Variants in DRC11 observed in about 807,000 individuals in gnomAD.
DRC11 encodes dynein regulatory complex subunit 11.
the DRC11 span, among the ~76,000 whole-genome samples, chr2:236,369,382 G>T: frequency 6.6e-6 from 1 of 152,164 alleles, no homozygotes; most frequent in African/African-American, 2.4e-5. The surrounding 1 kb of genome is among the most constrained non-coding windows in gnomAD (Gnocchi z 4.5). Flanking sequence ...TATTGGTTGG[G>T]AGAATGAGTG....
chr2:236,314,490 G>T, the DRC11 span, among the ~76,000 whole-genome samples: 2 of 152,066 alleles, frequency 1.3e-5, no homozygotes, highest in Admixed American at 6.6e-5. The surrounding 1 kb of genome is among the most constrained non-coding windows in gnomAD (Gnocchi z 4.5). Flanking sequence ...GAAACAAAAA[G>T]CTATGAGAAT....
At chr2:236,324,753 T>C in the DRC11 span, 2 of 1,606,070 alleles carry the variant, frequency 1.2e-6, no homozygotes, top group Non-Finnish European at 1.7e-6. The surrounding 1 kb of genome is among the most constrained non-coding windows in gnomAD (Gnocchi z 5.7). Flanking sequence ...AAGGCACGTT[T>C]TTTACCCAGA....
the DRC11 span, chr2:236,507,150 G>GAGA: frequency 8.8e-7 from 1 of 1,138,270 alleles, no homozygotes; most frequent in African/African-American, 1.5e-5. Flanking sequence ...AAGTTGAGAG[G>GAGA]GGAGGAGAAA....
the DRC11 span, among the ~76,000 whole-genome samples, chr2:236,455,829 CA>C: frequency 2.0e-5 from 3 of 152,296 alleles, no homozygotes; most frequent in East Asian, 5.8e-4. The surrounding 1 kb of genome is among the most constrained non-coding windows in gnomAD (Gnocchi z 5.7). Context: ...CATTTGCTGG[CA>C]ATCTGGAGGC....
the DRC11 span, among the ~76,000 whole-genome samples, chr2:236,459,680 T>TATATACGTATATAC: frequency 8.2e-6 from 1 of 122,028 alleles, no homozygotes; most frequent in East Asian, 2.0e-4. Flanking sequence ...TACGTATATA[T>TATATACGTATATAC]GTATATACAT....
the DRC11 span, among the ~76,000 whole-genome samples, chr2:236,431,345 G>A: frequency 6.6e-6 from 1 of 152,292 alleles, no homozygotes; most frequent in East Asian, 1.9e-4. This position sits in a 1 kb window ranked among gnomAD's most constrained non-coding sequence, Gnocchi z 4.2. Flanking sequence ...ATGGTGGAAG[G>A]GGAAGCAAAC....
chr2:236,357,056 ATT>A, the DRC11 span, among the ~76,000 whole-genome samples: 4 of 69,184 alleles, frequency 5.8e-5, 1 homozygote, highest in Non-Finnish European at 5.3e-5. Flanking sequence ...TTATATATCT[ATT>A]TATATATTCA....
chr2:236,407,606 T>C, the DRC11 span, among the ~76,000 whole-genome samples: 1 of 152,116 alleles, frequency 6.6e-6, no homozygotes, highest in Admixed American at 6.5e-5. Flanking sequence ...ACGGGCCACA[T>C]GTACTTTTTA....
chr2:236,498,392 G>A, the DRC11 span, among the ~76,000 whole-genome samples: 2 of 152,082 alleles, frequency 1.3e-5, no homozygotes, highest in Non-Finnish European at 2.9e-5. Flanking sequence ...TTGAACCCGG[G>A]AGGTGGAGTT....
the DRC11 span, among the ~76,000 whole-genome samples, chr2:236,456,771 A>C: frequency 6.6e-6 from 1 of 152,224 alleles, no homozygotes; most frequent in Non-Finnish European, 1.5e-5. This position sits in a 1 kb window ranked among gnomAD's most constrained non-coding sequence, Gnocchi z 5.4. Context: ...GCTGGATGTC[A>C]GGCATATTTT....
the DRC11 span, among the ~76,000 whole-genome samples, chr2:236,313,652 G>A: frequency 6.6e-6 from 1 of 152,156 alleles, no homozygotes; most frequent in Non-Finnish European, 1.5e-5. This position sits in a 1 kb window ranked among gnomAD's most constrained non-coding sequence, Gnocchi z 4.5. Flanking sequence ...AAATTGGAAT[G>A]AGCCCAGATG....
chr2:236,430,178 A>G, the DRC11 span, among the ~76,000 whole-genome samples: 8 of 148,012 alleles, frequency 5.4e-5, no homozygotes, highest in African/African-American at 1.0e-4. The surrounding 1 kb of genome is among the most constrained non-coding windows in gnomAD (Gnocchi z 6.0). Context: ...TTTTATATAC[A>G]TATATGCGAA....
At chr2:236,408,945 G>T in the DRC11 span, 2 of 698,358 alleles carry the variant, frequency 2.9e-6, no homozygotes, top group Admixed American at 1.9e-5. This position sits in a 1 kb window ranked among gnomAD's most constrained non-coding sequence, Gnocchi z 5.5. Context: ...TCCCAGGAAG[G>T]CTGCGAAGTG....
the DRC11 span, among the ~76,000 whole-genome samples, chr2:236,366,563 G>A: frequency 6.6e-6 from 1 of 151,850 alleles, no homozygotes; most frequent in African/African-American, 2.4e-5. Context: ...GGACCTCATA[G>A]CCCTTTTGGA....
the DRC11 span, among the ~76,000 whole-genome samples, chr2:236,416,759 A>G: frequency 2.3e-4 from 21 of 90,862 alleles, 2 homozygotes; most frequent in South Asian, 5.0e-3. Flanking sequence ...ATATATATAT[A>G]TATATATATA....
the DRC11 span, among the ~76,000 whole-genome samples, chr2:236,362,538 C>T: frequency 6.6e-6 from 1 of 152,034 alleles, no homozygotes; most frequent in Admixed American, 6.5e-5. The surrounding 1 kb of genome is among the most constrained non-coding windows in gnomAD (Gnocchi z 5.7). Flanking sequence ...ATACATACAC[C>T]ATACAAAATA....
At chr2:236,441,125 C>T in the DRC11 span, 2 of 1,550,548 alleles carry the variant, frequency 1.3e-6, no homozygotes, top group Non-Finnish European at 1.7e-6. Flanking sequence ...GGTTAAATTT[C>T]TGCAGGAAAA....
At chr2:236,455,013 T>C in the DRC11 span, 1 of 152,240 alleles carries the variant, frequency 6.6e-6, no homozygotes, top group Non-Finnish European at 1.5e-5. The surrounding 1 kb of genome is among the most constrained non-coding windows in gnomAD (Gnocchi z 5.7). Flanking sequence ...TCTTTTCCTT[T>C]TAACTACACA....
At chr2:236,432,987 A>T in the DRC11 span, among the ~76,000 whole-genome samples, 3 of 152,138 alleles carry the variant, frequency 2.0e-5, no homozygotes, top group African/African-American at 7.2e-5. Flanking sequence ...TTCTTAGATG[A>T]CAACCTGGCT....
Sources: allele counts gnomAD v4.1 joint callset (sites outside exome capture counted in the v4.1 genomes callset), GRCh38; gene constraint gnomAD v4.1.1; non-coding constraint Gnocchi (gnomAD v3.1); transcripts MANE v1.5; gene names NCBI Gene and HGNC (gene_info 2026-07-23, HGNC 2026-07-21).